Variants in SP7 observed in about 807,000 individuals in gnomAD.
SP7 encodes the protein transcription factor Sp7.
A neutral mutation model predicts 27.9 loss-of-function variants in SP7; 13 were observed. That is an observed-to-expected ratio of 0.47 (90% CI 0.30 to 0.74). SP7 has a LOEUF of 0.74. SP7 is among the 30% of genes least tolerant of loss of function. The pLI is 0.06. For missense variants in SP7, 525 were observed against 558.0 expected (o/e 0.94, Z 0.60); for synonymous variants, 219 against 226.7 (o/e 0.97, Z 0.31).
At position 53,328,250 on chromosome 12, in the gene SP7, C is replaced by T. The variant is rs754989906; in HGVS notation, c.1192G>A (p.Gly398Arg). Residue 398 changes from glycine (G) to arginine (R), a missense_variant, in exon 3 of 3, where the codon GGG (glycine) becomes AGG (arginine). Transcript: ENST00000536324. This position sits in a 1 kb window ranked among gnomAD's most constrained non-coding sequence, Gnocchi z 5.1. Reference sequence around the variant, plus strand: ...GGCGTCTGACTGGCCTCCTCTTCCCCCGTGCTGCGGCCCTCCCCCAGCTCC... The same window carrying T: ...GGCGTCTGACTGGCCTCCTCTTCCCTCGTGCTGCGGCCCTCCCCCAGCTCC... Reference protein sequence around the residue: ...PKELGEGRSTGEEEASQTPRP... With the variant: ...PKELGEGRSTREEEASQTPRP... The T allele has an allele frequency of 6.2e-7, 1 of 1,612,238 alleles. No individual in the cohort carries two copies. The highest frequency in any genetic ancestry group is 1.1e-5 in the South Asian group (1 of 90,870).
rs974243775 is a variant in SP7, at chr12:53,335,722, G to A, written c.-47-29C>T. 57 of 1,288,324 alleles carry A rather than the reference G, an allele frequency of 4.4e-5. No individual in the cohort carries two copies. In the Admixed American group the frequency reaches 7.9e-4, roughly 18 times the overall value. The allele number at this position is 1,288,324 out of a possible 1,614,324, so 79.8% of individuals were successfully genotyped here. A position where few individuals can be genotyped will look rare whatever the true frequency, so the allele number is the denominator to read the frequency against. On this transcript the variant is annotated intron_variant, in intron 1 of 2. Coordinates refer to ENST00000536324, the MANE Select transcript of SP7 (RefSeq NM_001173467.3). ...AGCCGGGGGGTGGGGGGGGTAGAGA[G>A]AGAAAAGGGAGAGGGAGGGAGAATG...
At position 53,333,708 on chromosome 12, in the gene SP7, C is replaced by A. The variant is rs112007530; in HGVS notation, c.21+1918G>T. 9.5e-4 allele frequency among the ~76,000 whole-genome samples: 145 copies of A among 152,318 alleles called. 1 individual carries two copies. The highest frequency in any genetic ancestry group is 3.4e-3 in the African/African-American group (140 of 41,558). ...TGAATCTCACTTGGCCGAGGTGAGC[C>A]CCCCATCAAGCAGCAGCTGCTTCCC... is the stretch of plus-strand genomic sequence containing the variant. On this transcript the variant is annotated intron_variant, in intron 2 of 2. Coordinates refer to ENST00000536324, the MANE Select transcript of SP7 (RefSeq NM_001173467.3).
intron 1 of SP7, among the ~76,000 whole-genome samples, chr12:53,342,788 C>G (rs1329836933): frequency 6.6e-6 from 1 of 150,934 alleles, no homozygotes; most frequent in African/African-American, 2.4e-5. Flanking sequence ...GCATCCCAGC[C>G]TAGGTGACAC....
At chr12:53,336,105 A>T (rs1336496811) in intron 1 of SP7, 41 bp downstream of exon 1, 1 of 176,558 alleles carries the variant, frequency 5.7e-6, no homozygotes, top group Non-Finnish European at 1.2e-5. Flanking sequence ...TCCCATAGGC[A>T]TCTGTGGGCA....
Position 53,328,358 on chromosome 12 carries a change from G to A in SP7, c.1084C>T (p.Arg362Cys), listed in dbSNP as rs1361199996. The change falls in exon 3 of 3, where the codon CGC (arginine) becomes TGC (cysteine). Residue 362 changes from arginine (R) to cysteine (C), a missense_variant. Arg to Cys is a radical substitution (Grantham distance 180). Coordinates refer to ENST00000536324, the MANE Select transcript of SP7 (RefSeq NM_001173467.3). This position sits in a 1 kb window ranked among gnomAD's most constrained non-coding sequence, Gnocchi z 5.1. ...CTCAGGTGGTCGCTTCGGGTAAAGC[G>A]CTTGGAGCAGAGCAGGCAGGTGAAC... Reference protein sequence around the residue: ...KKFTCLLCSKRFTRSDHLSKH... With the variant: ...KKFTCLLCSKCFTRSDHLSKH... The A allele has an allele frequency of 2.6e-5, 42 of 1,613,014 alleles. No individual in the cohort carries two copies. The highest frequency in any genetic ancestry group is 2.5e-4 in the Admixed American group (15 of 59,974).
upstream of SP7, among the ~76,000 whole-genome samples, chr12:53,337,930 A>G (rs1378836862): frequency 6.6e-6 from 1 of 152,124 alleles, no homozygotes. Flanking sequence ...GGTATAAGAG[A>G]GAGGAAACAG....
upstream of SP7, among the ~76,000 whole-genome samples, chr12:53,338,993 C>G (rs1565794647): frequency 6.6e-6 from 1 of 152,148 alleles, no homozygotes; most frequent in Non-Finnish European, 1.5e-5. Flanking sequence ...GAAGCCCTAA[C>G]CAAGGACCTA....
chr12:53,328,086 G>T lies in SP7; in HGVS notation c.*60C>A. The T allele has an allele frequency of 6.8e-7, 1 of 1,472,874 alleles. No homozygotes were observed. Among genetic ancestry groups the T allele is most frequent in the Non-Finnish European group, 9.1e-7 (1 of 1,099,330 alleles). 91.2% of individuals were successfully genotyped at this position (1,472,874 alleles called of 1,614,324 possible). On this transcript the variant is annotated 3_prime_UTR_variant, in exon 3 of 3. Coordinates refer to ENST00000536324, the MANE Select transcript of SP7 (RefSeq NM_001173467.3). This position sits in a 1 kb window ranked among gnomAD's most constrained non-coding sequence, Gnocchi z 5.1. Reference sequence around the variant, plus strand: ...TAAAGAGAGTGATTGGCAAGCAGTGGTCTAGAGAGCCAAGAGAGACTGTCA... The same window carrying T: ...TAAAGAGAGTGATTGGCAAGCAGTGTTCTAGAGAGCCAAGAGAGACTGTCA...
chr12:53,343,152 A>C (rs1944837923), intron 1 of SP7, among the ~76,000 whole-genome samples: 1 of 151,922 alleles, frequency 6.6e-6, no homozygotes, highest in South Asian at 2.1e-4. Context: ...AAAAAAAAAA[A>C]AACATAGTCT....
rs372961085 is a variant in SP7, at chr12:53,328,227, C to T, written c.1215G>A (p.Thr405=). The T allele has an allele frequency of 2.5e-6, 4 of 1,612,854 alleles. No individual in the cohort carries two copies. The highest frequency in any genetic ancestry group is 1.3e-5 in the African/African-American group (1 of 74,898). The change falls in exon 3 of 3, where the codon ACG becomes ACA. Residue 405 remains threonine (T), a synonymous_variant. Coordinates refer to ENST00000536324, the MANE Select transcript of SP7 (RefSeq NM_001173467.3). This position sits in a 1 kb window ranked among gnomAD's most constrained non-coding sequence, Gnocchi z 5.1. ...RSTGEEEASQ[T]PRPSASPATP... is the part of the protein sequence containing the mutation. Reference sequence around the variant, plus strand: ...TTGCTGGCGAGGCAGAAGGTCGGGGCGTCTGACTGGCCTCCTCTTCCCCCG... The same window carrying T: ...TTGCTGGCGAGGCAGAAGGTCGGGGTGTCTGACTGGCCTCCTCTTCCCCCG...
In SP7 at chr12:53,327,848, T is replaced by C. The variant is rs1021869250; in HGVS notation, c.*298A>G. The C allele has an allele frequency of 4.3e-5, 17 of 391,558 alleles. No individual in the cohort carries two copies. The highest frequency in any genetic ancestry group is 3.3e-4 in the African/African-American group (16 of 48,170). The allele number at this position is 391,558 out of a possible 1,614,324, so 24.3% of individuals were successfully genotyped here. A position where few individuals can be genotyped will look rare whatever the true frequency, so the allele number is the denominator to read the frequency against. On this transcript the variant is annotated 3_prime_UTR_variant, in exon 3 of 3. Transcript: ENST00000536324. Reference sequence around the variant, plus strand: ...GGAGAAATAGTGTTGGGAGCCCAAATAGAAAGTGTGTTGGTGTGGCAGGGC... The same window carrying C: ...GGAGAAATAGTGTTGGGAGCCCAAACAGAAAGTGTGTTGGTGTGGCAGGGC...
At position 53,328,289 on chromosome 12, in the gene SP7, G is replaced by T. The variant is rs377532102; in HGVS notation, c.1153C>A (p.Pro385Thr). 26 of 1,611,058 alleles carry T rather than the reference G, an allele frequency of 1.6e-5. No homozygotes were observed. Among genetic ancestry groups the T allele is most frequent in the Non-Finnish European group, 2.2e-5 (26 of 1,178,386 alleles). The stretch of plus-strand genomic sequence containing the variant: ...TCCCCCAGCTCCTTGGGGCCACTGG[G>T]AGGGGGACCCGGGCCTGGTTCTCCA... ...THGEPGPGPP[P>T]SGPKELGEGR... is the part of the protein sequence containing the mutation. Residue 385 changes from proline to threonine, a missense_variant, in exon 3 of 3, where the codon CCC becomes ACC. Physicochemically the swap from Pro to Thr is conservative, Grantham distance 38. Transcript: ENST00000536324. The surrounding 1 kb of genome is among the most constrained non-coding windows in gnomAD (Gnocchi z 5.1).
At chr12:53,341,318 A>G (rs1377462775), upstream of SP7, among the ~76,000 whole-genome samples, 1 of 152,196 alleles carries the variant, frequency 6.6e-6, no homozygotes, top group Non-Finnish European at 1.5e-5. Flanking sequence ...TAGGAGAGGC[A>G]GATCAGAATC....
upstream of SP7, among the ~76,000 whole-genome samples, chr12:53,339,675 A>G (rs1169661165): frequency 6.7e-6 from 1 of 148,846 alleles, no homozygotes; most frequent in Non-Finnish European, 1.5e-5. Context: ...CAGTGAGCTG[A>G]GATCATGCCA....
intron 2 of SP7, among the ~76,000 whole-genome samples, chr12:53,330,712 A>G (rs1171521690): frequency 6.6e-6 from 1 of 152,132 alleles, no homozygotes; most frequent in Non-Finnish European, 1.5e-5. Context: ...TGCTCCCATG[A>G]CAGATTTTCC....
chr12:53,328,877 G>C lies in SP7; in HGVS notation c.565C>G (p.Pro189Ala). 6.2e-7 allele frequency: 1 copy of C among 1,608,796 alleles called. No homozygotes were observed. The highest frequency in any genetic ancestry group is 8.5e-7 in the Non-Finnish European group (1 of 1,176,024). ...QGTLPTGPAQ[P>A]PLNPQLPTYP... ...GTGGGCAGCTGGGGGTTCAGTGGAG[G>C]CTGAGCTGGACCTGTGGGCAGTGTC... is the stretch of plus-strand genomic sequence containing the variant. The change falls in exon 3 of 3, where the codon CCT becomes GCT. Residue 189 changes from proline to alanine, a missense_variant. Transcript: ENST00000536324. The surrounding 1 kb of genome is among the most constrained non-coding windows in gnomAD (Gnocchi z 5.1).
chr12:53,329,476 G>C, intron 2 of SP7, 56 bp from the exon 3 acceptor site: 2 of 1,500,896 alleles, frequency 1.3e-6, no homozygotes, highest in Non-Finnish European at 1.8e-6. Context: ...ACAAAATGAA[G>C]GGCAACACTT....
intron 2 of SP7, among the ~76,000 whole-genome samples, chr12:53,331,470 CAA>C (rs367626786): frequency 4.5e-4 from 47 of 105,348 alleles, no homozygotes; most frequent in African/African-American, 1.5e-3. Flanking sequence ...GACTCCATCT[CAA>C]AAAAAAAAAA....
chr12:53,335,709 G>T lies in SP7; in HGVS notation c.-47-16C>A, dbSNP rs905993410. ...ATGGAGAGAGCTGAGCCGGGGGGTGGGGGGGGTAGAGAGAGAAAAGGGAGA... is the reference window on the plus strand; with the variant it reads ...ATGGAGAGAGCTGAGCCGGGGGGTGTGGGGGGTAGAGAGAGAAAAGGGAGA... On this transcript the variant is annotated splice_polypyrimidine_tract_variant and intron_variant, in intron 1 of 2. Coordinates refer to ENST00000536324, the MANE Select transcript of SP7 (RefSeq NM_001173467.3). 2.9e-6 allele frequency: 4 copies of T among 1,396,956 alleles called. No individual in the cohort carries two copies. Among genetic ancestry groups the T allele is most frequent in the East Asian group, 2.9e-5 (1 of 34,288 alleles). 86.5% of individuals were successfully genotyped at this position (1,396,956 alleles called of 1,614,324 possible). A position where few individuals can be genotyped will look rare whatever the true frequency, so the allele number is the denominator to read the frequency against.
Sources: allele counts gnomAD v4.1 joint callset (sites outside exome capture counted in the v4.1 genomes callset), GRCh38; gene constraint gnomAD v4.1.1; non-coding constraint Gnocchi (gnomAD v3.1); transcripts MANE v1.5; gene names NCBI Gene and HGNC (gene_info 2026-07-23, HGNC 2026-07-21).